The following PDE11A variants were observed in gnomAD, a reference collection of about 807,000 sequenced individuals.
The protein encoded by PDE11A is phosphodiesterase 11A.
In PDE11A, 100 loss-of-function variants were observed where a neutral mutation model predicts 100.5. That is an observed-to-expected ratio of 1.00 (90% CI 0.85 to 1.18). The LOEUF (loss-of-function observed/expected upper bound fraction) is 1.18, where lower values mean the gene tolerates loss of function less well. PDE11A is among the 50% of genes most tolerant of loss of function. The probability of loss-of-function intolerance (pLI) is 0.00; values close to 1 mark genes in which losing one functional copy is unlikely to be tolerated. For missense variants in PDE11A, 1,141 were observed against 1,152.6 expected (o/e 0.99, Z 0.15); for synonymous variants, 381 against 420.8 (o/e 0.91, Z 1.16).
chr2:177,739,507 C>T (rs2081841420), intron 10 of PDE11A, among the ~76,000 whole-genome samples: 1 of 152,180 alleles, frequency 6.6e-6, no homozygotes. Context: ...ACTCTGTCAC[C>T]AGTGACACAT....
intron 1 of PDE11A, among the ~76,000 whole-genome samples, chr2:178,051,865 A>C (rs1253044073): frequency 1.3e-5 from 2 of 152,216 alleles, no homozygotes; most frequent in African/African-American, 4.8e-5. Flanking sequence ...TCATAAAGCA[A>C]GTCCTTAGAG....
chr2:177,788,907 A>G (rs974641085), intron 9 of PDE11A, among the ~76,000 whole-genome samples: 5 of 152,110 alleles, frequency 3.3e-5, no homozygotes, highest in African/African-American at 9.7e-5. Flanking sequence ...ATAGCTTACC[A>G]AACAAAAAGA....
At chr2:177,949,890 T>C (rs896260671) in intron 2 of PDE11A, among the ~76,000 whole-genome samples, 3 of 152,248 alleles carry the variant, frequency 2.0e-5, no homozygotes, top group African/African-American at 4.8e-5. Flanking sequence ...ATAAATATCT[T>C]AGTTGCCTTT....
intron 9 of PDE11A, among the ~76,000 whole-genome samples, chr2:177,807,668 C>T (rs371414922): frequency 6.6e-6 from 1 of 152,290 alleles, no homozygotes; most frequent in East Asian, 1.9e-4. Context: ...TCAAGTGATC[C>T]TCCTGCCTTG....
upstream of PDE11A, chr2:178,073,127 A>C: frequency 1.1e-6 from 1 of 948,236 alleles, no homozygotes; most frequent in Non-Finnish European, 1.3e-6. Flanking sequence ...ACAAGTGTTG[A>C]TGTTTTGCAG....
At chr2:177,858,905 A>T (rs2083892226) in intron 5 of PDE11A, among the ~76,000 whole-genome samples, 1 of 152,176 alleles carries the variant, frequency 6.6e-6, no homozygotes, top group Admixed American at 6.6e-5. Flanking sequence ...ACCATGGAAT[A>T]CTATGCAGCC....
chr2:177,800,240 GCTCA>G (rs56094731), intron 9 of PDE11A, among the ~76,000 whole-genome samples: 37,248 of 151,394 alleles, frequency 0.25, 4,768 homozygotes, highest in African/African-American at 0.29. Context: ...CATGATCATA[GCTCA>G]GTGCAGCCTC....
chr2:177,667,395 G>A (rs1285665055), intron 18 of PDE11A, among the ~76,000 whole-genome samples: 1 of 152,058 alleles, frequency 6.6e-6, no homozygotes, highest in African/African-American at 2.4e-5. Context: ...TTACATTTAG[G>A]TGTATGATCC....
At chr2:178,062,551 A>G (rs976238059) in intron 1 of PDE11A, among the ~76,000 whole-genome samples, 5 of 152,168 alleles carry the variant, frequency 3.3e-5, no homozygotes, top group African/African-American at 1.2e-4. Flanking sequence ...TGGTTTCTTG[A>G]GCAACCCTGG....
At chr2:177,945,865 G>C (rs868843509) in intron 2 of PDE11A, among the ~76,000 whole-genome samples, 32 of 144,752 alleles carry the variant, frequency 2.2e-4, no homozygotes, top group African/African-American at 7.8e-4. Flanking sequence ...CGTGCCGTCC[G>C]GGAGGGAGGT....
At chr2:177,767,056 G>T (rs139771336) in intron 10 of PDE11A, among the ~76,000 whole-genome samples, 1 of 152,194 alleles carries the variant, frequency 6.6e-6, no homozygotes, top group Non-Finnish European at 1.5e-5. Flanking sequence ...GCTAGGCCAG[G>T]CATGGTGGCT....
At chr2:178,013,389 A>G (rs943403117) in intron 2 of PDE11A, among the ~76,000 whole-genome samples, 3 of 152,162 alleles carry the variant, frequency 2.0e-5, no homozygotes, top group African/African-American at 7.2e-5. Flanking sequence ...ATTCCACTAT[A>G]AAAATGACCT....
chr2:177,966,045 G>A (rs2695100), intron 2 of PDE11A, among the ~76,000 whole-genome samples: 42,372 of 151,918 alleles, frequency 0.28, 6,481 homozygotes, highest in African/African-American at 0.41. Flanking sequence ...GCAGTGTTTC[G>A]TAATTCACAT....
At chr2:178,045,080 A>G (rs1574364200) in intron 1 of PDE11A, among the ~76,000 whole-genome samples, 1 of 152,312 alleles carries the variant, frequency 6.6e-6, no homozygotes, top group East Asian at 1.9e-4. Context: ...GTTTCACAAT[A>G]AAGAGAAATG....
intron 2 of PDE11A, among the ~76,000 whole-genome samples, chr2:177,925,549 G>A (rs1044751428): frequency 6.6e-6 from 1 of 152,120 alleles, no homozygotes; most frequent in African/African-American, 2.4e-5. Flanking sequence ...GTCTGTTCAT[G>A]TCCTTCGCCC....
intron 1 of PDE11A, among the ~76,000 whole-genome samples, chr2:178,106,188 CATTCTT>C (rs2087615961): frequency 6.6e-6 from 1 of 152,162 alleles, no homozygotes; most frequent in Admixed American, 6.5e-5. Flanking sequence ...ATAACACAAA[CATTCTT>C]AGTTACTGCT....
In PDE11A at chr2:177,819,229, C is replaced by T. The variant is rs3770046; in HGVS notation, c.1576+991G>A. ...ATATTCTTTATGTTCAGTAACATACCAATATTCTTATGCAGACTAAGCTGA... is the reference window on the plus strand; with the variant it reads ...ATATTCTTTATGTTCAGTAACATACTAATATTCTTATGCAGACTAAGCTGA... On this transcript the variant is annotated intron_variant, in intron 7 of 19. Coordinates refer to ENST00000286063, the MANE Select transcript of PDE11A (RefSeq NM_016953.4). Among the ~76,000 whole-genome samples the T allele has an allele frequency of 1.8e-4, 28 of 152,034 alleles. 1 individual carries two copies. The East Asian group carries it at 5.0e-3, about 27-fold the overall frequency.
intron 2 of PDE11A, among the ~76,000 whole-genome samples, chr2:177,959,968 T>C (rs2085611496): frequency 6.6e-6 from 1 of 152,196 alleles, no homozygotes; most frequent in Non-Finnish European, 1.5e-5. Flanking sequence ...ACTCTTTTTT[T>C]CCTAAGTAGC....
intron 5 of PDE11A, among the ~76,000 whole-genome samples, chr2:177,853,880 C>CAA (rs2083779923): frequency 7.8e-6 from 1 of 128,598 alleles, no homozygotes; most frequent in Non-Finnish European, 1.6e-5. Flanking sequence ...ATATAGATAT[C>CAA]TATATATGTG....
Sources: gnomAD v4.1 joint callset for allele counts (sites outside exome capture counted in the v4.1 genomes callset) on GRCh38, gnomAD v4.1.1 for gene constraint, MANE v1.5 for transcripts, NCBI Gene and HGNC (gene_info 2026-07-23, HGNC 2026-07-21) for gene names.